Variants in APBB1IP observed in about 807,000 individuals in gnomAD.
The protein encoded by APBB1IP is amyloid beta precursor protein binding family B member 1 interacting protein.
APBB1IP carries 27 observed loss-of-function variants against 64.9 expected under a neutral mutation model. That is an observed-to-expected ratio of 0.42 (90% CI 0.31 to 0.57). The LOEUF (loss-of-function observed/expected upper bound fraction) is 0.57, where lower values mean the gene tolerates loss of function less well. Among genes scored for constraint, APBB1IP ranks in the 20% least tolerant of loss-of-function variants. APBB1IP has a pLI of 0.20. For missense variants in APBB1IP, 812 were observed against 845.5 expected (o/e 0.96, Z 0.49); for synonymous variants, 392 against 331.0 (o/e 1.18, Z -2.00).
intron 9 of APBB1IP, among the ~76,000 whole-genome samples, chr10:26,534,017 C>G (rs1275816238): frequency 6.6e-6 from 1 of 151,608 alleles, no homozygotes; most frequent in Non-Finnish European, 1.5e-5. Flanking sequence ...ATTGAATTAT[C>G]ACAGAGATTC....
At chr10:26,467,242 AG>A (rs1258783685) in intron 2 of APBB1IP, among the ~76,000 whole-genome samples, 2 of 152,108 alleles carry the variant, frequency 1.3e-5, no homozygotes, top group Non-Finnish European at 2.9e-5. Flanking sequence ...TAGAAGTATG[AG>A]GGATGCTGTT....
chr10:26,513,928 G>A (rs1356285791), intron 8 of APBB1IP, among the ~76,000 whole-genome samples: 2 of 152,162 alleles, frequency 1.3e-5, no homozygotes, highest in African/African-American at 4.8e-5. Flanking sequence ...TAGAGACAGG[G>A]TTTCACCATG....
chr10:26,534,888 T>A (rs1172905590), intron 9 of APBB1IP, among the ~76,000 whole-genome samples: 2 of 152,136 alleles, frequency 1.3e-5, no homozygotes, highest in Non-Finnish European at 2.9e-5. Flanking sequence ...AACTCTGAAT[T>A]TAAGAGATTA....
At chr10:26,545,353 G>C (rs897801651) in intron 11 of APBB1IP, among the ~76,000 whole-genome samples, 1 of 152,228 alleles carries the variant, frequency 6.6e-6, no homozygotes, top group African/African-American at 2.4e-5. Context: ...GGCCAGGTGC[G>C]GTGGCACGTG....
At chr10:26,541,032 A>G (rs937478634) in intron 10 of APBB1IP, among the ~76,000 whole-genome samples, 2 of 151,798 alleles carry the variant, frequency 1.3e-5, no homozygotes, top group African/African-American at 2.4e-5. Context: ...CCTTGTCTCG[A>G]CTGCATCAAT....
intron 11 of APBB1IP, among the ~76,000 whole-genome samples, chr10:26,547,115 T>C (rs1195465056): frequency 6.6e-6 from 1 of 152,224 alleles, no homozygotes; most frequent in Non-Finnish European, 1.5e-5. Flanking sequence ...AAAATCTCAT[T>C]GTAGTTTTGA....
At chr10:26,512,176 A>G (rs979377268) in intron 7 of APBB1IP, among the ~76,000 whole-genome samples, 1 of 152,108 alleles carries the variant, frequency 6.6e-6, no homozygotes, top group African/African-American at 2.4e-5. Context: ...CAATTCCCTT[A>G]TATGAGATTT....
At chr10:26,448,540 T>C (rs1835426924) in intron 2 of APBB1IP, among the ~76,000 whole-genome samples, 1 of 152,246 alleles carries the variant, frequency 6.6e-6, no homozygotes, top group Non-Finnish European at 1.5e-5. Context: ...GTGTTGACTA[T>C]GCAACTGAAA....
chr10:26,483,477 C>T lies in APBB1IP; in HGVS notation c.1-8850C>T, dbSNP rs563386595. Among the ~76,000 whole-genome samples the T allele has an allele frequency of 2.8e-4, 42 of 152,250 alleles. 1 individual carries two copies. In the South Asian group the frequency reaches 5.6e-3, roughly 20 times the overall value. On this transcript the variant is annotated intron_variant, in intron 2 of 14. Coordinates refer to ENST00000376236, the MANE Select transcript of APBB1IP (RefSeq NM_019043.4). ...GGAATGAGAACACCTAATAGTTATT[C>T]GCTGTTATTTTTATTATTATCAGGC...
chr10:26,538,788 C>T (rs1378488074), intron 10 of APBB1IP, among the ~76,000 whole-genome samples: 2 of 152,000 alleles, frequency 1.3e-5, no homozygotes, highest in Non-Finnish European at 2.9e-5. Context: ...AATTCACAGA[C>T]TGATTTCATG....
At chr10:26,510,034 A>G (rs1248973796) in intron 6 of APBB1IP, among the ~76,000 whole-genome samples, 1 of 152,142 alleles carries the variant, frequency 6.6e-6, no homozygotes, top group African/African-American at 2.4e-5. Context: ...CAGTGCTGCA[A>G]TCTCGGCTCA....
intron 2 of APBB1IP, among the ~76,000 whole-genome samples, chr10:26,464,675 C>T (rs921301959): frequency 2.0e-5 from 3 of 152,192 alleles, no homozygotes; most frequent in Non-Finnish European, 4.4e-5. Context: ...TCCCAAAGTT[C>T]TGGGATTACA....
At chr10:26,489,957 A>G (rs1835935389) in intron 2 of APBB1IP, among the ~76,000 whole-genome samples, 2 of 152,248 alleles carry the variant, frequency 1.3e-5, no homozygotes, top group African/African-American at 4.8e-5. Flanking sequence ...CCCAGGAGGC[A>G]GAGTTTGCAG....
At chr10:26,466,961 A>C (rs1223751367) in intron 2 of APBB1IP, among the ~76,000 whole-genome samples, 1 of 152,116 alleles carries the variant, frequency 6.6e-6, no homozygotes, top group African/African-American at 2.4e-5. Context: ...GTAGTTGTCC[A>C]GGGCAGGAAC....
intron 11 of APBB1IP, among the ~76,000 whole-genome samples, chr10:26,548,336 C>T (rs149412041): frequency 7.2e-6 from 1 of 138,420 alleles, no homozygotes; most frequent in African/African-American, 2.6e-5. Context: ...ATCCCTCCCC[C>T]CTCCCCCGAC....
At position 26,550,881 on chromosome 10, in the gene APBB1IP, G is replaced by A. The variant is rs114675534; in HGVS notation, c.1155+9189G>A. The stretch of plus-strand genomic sequence containing the variant: ...TTATGACCGTTCTTTTTTAGTGGGC[G>A]TATGCAGAAATTGTGAGCAGATTGA... On this transcript the variant is annotated intron_variant, in intron 11 of 14. Coordinates refer to ENST00000376236, the MANE Select transcript of APBB1IP (RefSeq NM_019043.4). Among the ~76,000 whole-genome samples, 868 of 152,256 alleles carry A rather than the reference G, an allele frequency of 5.7e-3. 4 individuals are homozygous for A. The highest frequency in any genetic ancestry group is 0.02 in the African/African-American group (819 of 41,540).
At chr10:26,448,485 C>A (rs546029475) in intron 2 of APBB1IP, among the ~76,000 whole-genome samples, 1 of 152,302 alleles carries the variant, frequency 6.6e-6, no homozygotes, top group East Asian at 1.9e-4. Context: ...CTGAATTGGG[C>A]AGTGCAGATT....
chr10:26,501,678 T>C (rs1334293013), intron 5 of APBB1IP: 2 of 153,786 alleles, frequency 1.3e-5, no homozygotes, highest in Non-Finnish European at 2.9e-5. Flanking sequence ...AAAGTTTAAA[T>C]GATCATTATT....
chr10:26,512,156 T>C (rs1329122597), intron 7 of APBB1IP, among the ~76,000 whole-genome samples: 1 of 152,186 alleles, frequency 6.6e-6, no homozygotes, highest in Non-Finnish European at 1.5e-5. Flanking sequence ...AGACTTTGGT[T>C]CAAGGCTTTC....
Sources: gnomAD v4.1 joint callset for allele counts (sites outside exome capture counted in the v4.1 genomes callset) on GRCh38, gnomAD v4.1.1 for gene constraint, MANE v1.5 for transcripts, NCBI Gene and HGNC (gene_info 2026-07-23, HGNC 2026-07-21) for gene names.